The following SLC35D2 variants were observed in gnomAD, a reference collection of about 807,000 sequenced individuals.
SLC35D2 encodes the protein nucleotide sugar transporter SLC35D2.
A neutral mutation model predicts 41.8 loss-of-function variants in SLC35D2; 43 were observed. The observed-to-expected ratio is 1.03, with a 90% CI of 0.81 to 1.33. The LOEUF is 1.33. SLC35D2 is among the 40% of genes most tolerant of loss of function. The pLI, the probability that SLC35D2 is intolerant of heterozygous loss-of-function variation, is 0.00. For missense variants in SLC35D2, 380 were observed against 408.4 expected, an observed-to-expected ratio of 0.93 and a Z score of 0.60; for synonymous variants, 150 against 163.9, an observed-to-expected ratio of 0.92 and a Z score of 0.65.
Position 96,360,182 on chromosome 9 carries a change from T to C in SLC35D2, c.319A>G (p.Ser107Gly). 6.2e-7 allele frequency: 1 copy of C among 1,613,140 alleles called. No individual in the cohort carries two copies. Among genetic ancestry groups the C allele is most frequent in the Non-Finnish European group, 8.5e-7 (1 of 1,179,474 alleles). Residue 107 changes from serine (S) to glycine (G), a missense_variant, in exon 4 of 12, where the codon AGT (serine) becomes GGT (glycine). By Grantham distance (56) the Ser-to-Gly change is moderately conservative. Transcript: ENST00000253270. ...AATTTACTTGTGCTTGATAATCCAC[T>C]TATGTGGTTTCCAACGTAGAGGAGA... is the stretch of plus-strand genomic sequence containing the variant. ...LPLLYVGNHISGLSSTSKLSL... is the reference protein window; with the variant it reads ...LPLLYVGNHIGGLSSTSKLSL...
At chr9:96,331,670 C>G (rs1828815754) in intron 9 of SLC35D2, among the ~76,000 whole-genome samples, 1 of 152,144 alleles carries the variant, frequency 6.6e-6, no homozygotes. Context: ...AGATTGAGAC[C>G]TGTCTCACAC....
chr9:96,346,993 G>A (rs1300896546), intron 6 of SLC35D2, among the ~76,000 whole-genome samples: 5 of 152,094 alleles, frequency 3.3e-5, no homozygotes, highest in African/African-American at 1.2e-4. Context: ...AAAATTAGCT[G>A]GGCGTGGTGG....
intron 9 of SLC35D2, 128 bp from the exon 10 acceptor site, chr9:96,324,297 G>A (rs1472133907): frequency 2.0e-5 from 13 of 636,928 alleles, no homozygotes; most frequent in Non-Finnish European, 3.2e-5. Flanking sequence ...TATCATAAAG[G>A]TTTTGTAACC....
intron 9 of SLC35D2, among the ~76,000 whole-genome samples, chr9:96,326,429 A>C (rs1263793104): frequency 6.6e-6 from 1 of 152,244 alleles, no homozygotes; most frequent in Non-Finnish European, 1.5e-5. Flanking sequence ...TAATGAAAGT[A>C]AATGTTCTTT....
chr9:96,325,140 C>T (rs1407947936), intron 9 of SLC35D2, among the ~76,000 whole-genome samples: 3 of 152,150 alleles, frequency 2.0e-5, no homozygotes, highest in Admixed American at 1.3e-4. Flanking sequence ...ACTTACTTGC[C>T]AATAAAATGA....
At chr9:96,381,259 A>G (rs1460901142) in intron 1 of SLC35D2, among the ~76,000 whole-genome samples, 1 of 152,214 alleles carries the variant, frequency 6.6e-6, no homozygotes, top group Non-Finnish European at 1.5e-5. Context: ...CTCTCAACAC[A>G]GCAGCCACAG....
Position 96,368,423 on chromosome 9 carries a change from TCA to T in SLC35D2, c.159-120_159-119del, listed in dbSNP as rs1830556313. ...AGAAAATGAAAATTTATCAAATTGT[TCA>T]CTTTTCATTTAATTCTTTTTTTTTT... On this transcript the variant is annotated intron_variant, in intron 1 of 11. Coordinates refer to ENST00000253270, the MANE Select transcript of SLC35D2 (RefSeq NM_007001.3). 4.8e-6 allele frequency: 4 copies of T among 840,096 alleles called. 1 individual carries two copies. In the East Asian group the frequency reaches 1.1e-4, roughly 24 times the overall value. 52.0% of individuals were successfully genotyped at this position (840,096 alleles called of 1,614,324 possible).
At chr9:96,360,316 G>T in intron 3 of SLC35D2, 95 bp from the exon 4 acceptor site, 1 of 970,600 alleles carries the variant, frequency 1.0e-6, no homozygotes, top group Non-Finnish European at 1.6e-6. Context: ...TCACCAGAGA[G>T]GATCTTCAAA....
intron 6 of SLC35D2, 65 bp downstream of exon 6, chr9:96,351,038 A>G: frequency 5.0e-6 from 6 of 1,191,690 alleles, no homozygotes; most frequent in Non-Finnish European, 7.5e-6. Context: ...AAAACTGAGG[A>G]TGGGGCTGGG....
At position 96,337,528 on chromosome 9, in the gene SLC35D2, T is replaced by C. The variant is rs551548769; in HGVS notation, c.685-744A>G. Among the ~76,000 whole-genome samples, 4 of 144,972 alleles carry C rather than the reference T, an allele frequency of 2.8e-5. No individual in the cohort carries two copies. In the East Asian group the frequency reaches 7.8e-4, roughly 28 times the overall value. On this transcript the variant is annotated intron_variant, in intron 8 of 11. Coordinates refer to ENST00000253270, the MANE Select transcript of SLC35D2 (RefSeq NM_007001.3). Reference sequence around the variant, plus strand: ...CCACCACACCCAGCCAAAAAGTTTATTCTTAATTAATAATGTAGGCAAGAA... The same window carrying C: ...CCACCACACCCAGCCAAAAAGTTTACTCTTAATTAATAATGTAGGCAAGAA...
intron 11 of SLC35D2, 73 bp from the exon 12 acceptor site, chr9:96,321,414 T>C: frequency 1.0e-6 from 1 of 988,292 alleles, no homozygotes; most frequent in Non-Finnish European, 1.6e-6. Context: ...TTGCTGGCGT[T>C]TTTATCAATA....
downstream of SLC35D2, among the ~76,000 whole-genome samples, chr9:96,315,838 T>C (rs1828039195): frequency 6.6e-6 from 1 of 152,170 alleles, no homozygotes; most frequent in Non-Finnish European, 1.5e-5. Context: ...CATAGAATTA[T>C]AACGGAAACC....
chr9:96,348,176 T>A (rs1298850690), intron 6 of SLC35D2, among the ~76,000 whole-genome samples: 1 of 152,222 alleles, frequency 6.6e-6, no homozygotes, highest in African/African-American at 2.4e-5. Context: ...CCCTTTCCTG[T>A]AACAGGATTA....
At chr9:96,324,855 C>T (rs1266937858) in intron 9 of SLC35D2, among the ~76,000 whole-genome samples, 5 of 152,036 alleles carry the variant, frequency 3.3e-5, no homozygotes, top group Non-Finnish European at 4.4e-5. Flanking sequence ...GCGCCTGGCC[C>T]GCCTGCTGCA....
chr9:96,376,291 T>C (rs1587726808), intron 1 of SLC35D2, among the ~76,000 whole-genome samples: 1 of 92,372 alleles, frequency 1.1e-5, no homozygotes, highest in Non-Finnish European at 2.1e-5. Flanking sequence ...TGAGACTCTG[T>C]CTCAAAAAAA....
At chr9:96,368,912 G>A (rs572164812) in intron 1 of SLC35D2, among the ~76,000 whole-genome samples, 15 of 151,962 alleles carry the variant, frequency 9.9e-5, no homozygotes, top group Admixed American at 3.9e-4. Flanking sequence ...CTATAGGCGC[G>A]CACCACCATG....
intron 1 of SLC35D2, among the ~76,000 whole-genome samples, chr9:96,371,219 C>G (rs1362692004): frequency 1.3e-5 from 2 of 152,056 alleles, no homozygotes; most frequent in Non-Finnish European, 2.9e-5. Flanking sequence ...AATCCCAGCA[C>G]TTTGGGAGGC....
intron 9 of SLC35D2, among the ~76,000 whole-genome samples, chr9:96,328,317 C>T (rs997523732): frequency 5.3e-5 from 8 of 152,058 alleles, no homozygotes; most frequent in African/African-American, 1.9e-4. Context: ...ACTCACTGGG[C>T]TCACATGAGC....
At chr9:96,351,064 A>G in intron 6 of SLC35D2, 39 bp downstream of exon 6, 1 of 1,469,110 alleles carries the variant, frequency 6.8e-7, no homozygotes. Flanking sequence ...TGTCAAAGAC[A>G]CAAAGAAGTT....
Sources: allele counts gnomAD v4.1 joint callset (sites outside exome capture counted in the v4.1 genomes callset), GRCh38; gene constraint gnomAD v4.1.1; transcripts MANE v1.5; gene names NCBI Gene and HGNC (gene_info 2026-07-23, HGNC 2026-07-21).